The following JAKMIP1 variants were observed in gnomAD, a reference collection of about 807,000 sequenced individuals.
JAKMIP1 encodes the protein janus kinase and microtubule-interacting protein 1.
JAKMIP1 carries 33 observed loss-of-function variants against 113.0 expected under a neutral mutation model. The observed-to-expected ratio is 0.29, with a 90% CI of 0.22 to 0.39. The LOEUF is 0.39. Among genes scored for constraint, JAKMIP1 ranks in the 10% least tolerant of loss-of-function variants. JAKMIP1 has a pLI of 1.00. For missense variants in JAKMIP1, 813 were observed against 1,080.5 expected (o/e 0.75, Z 3.47); for synonymous variants, 480 against 459.9 (o/e 1.04, Z -0.56).
In JAKMIP1 at chr4:6,139,262, G is replaced by A. The variant is rs1209229070; in HGVS notation, c.-147-26265C>T. ...AGTTAAAAAGCATTTGAGAACCATA[G>A]CATCAGAAGAGCATTTCAAGGACAT... On this transcript the variant is annotated intron_variant, in intron 1 of 20. Transcript: ENST00000409021. The surrounding 1 kb of genome is among the most constrained non-coding windows in gnomAD (Gnocchi z 5.2). Among the ~76,000 whole-genome samples the A allele has an allele frequency of 6.6e-6, 1 of 152,172 alleles. No homozygotes were observed. The highest frequency in any genetic ancestry group is 1.9e-4 in the East Asian group (1 of 5,192).
intron 9 of JAKMIP1, among the ~76,000 whole-genome samples, chr4:6,062,758 G>C (rs1263656368): frequency 2.0e-5 from 3 of 152,194 alleles, no homozygotes; most frequent in Non-Finnish European, 4.4e-5. Context: ...GAGAGAAAGG[G>C]CTGGTACCAT....
intron 2 of JAKMIP1, among the ~76,000 whole-genome samples, chr4:6,111,146 C>G (rs1303132829): frequency 6.6e-6 from 1 of 152,196 alleles, no homozygotes; most frequent in East Asian, 1.9e-4. Flanking sequence ...CAGGCCCCAG[C>G]CCCGTCCCCA....
chr4:6,067,560 C>T lies in JAKMIP1; in HGVS notation c.1303-2552G>A, dbSNP rs537429185. 4.8e-4 allele frequency among the ~76,000 whole-genome samples: 72 copies of T among 150,136 alleles called. No homozygotes were observed. The highest frequency in any genetic ancestry group is 9.3e-4 in the Admixed American group (14 of 15,026). On this transcript the variant is annotated intron_variant, in intron 8 of 20. Coordinates refer to ENST00000409021, the MANE Select transcript of JAKMIP1 (RefSeq NM_001099433.2). This position sits in a 1 kb window ranked among gnomAD's most constrained non-coding sequence, Gnocchi z 4.6. ...CATCCCATGGTGACAATGGCACCCA[C>T]GGGAGTGATGCATCTGCAGCACTCA...
At chr4:6,144,822 A>G (rs1028589160) in intron 1 of JAKMIP1, among the ~76,000 whole-genome samples, 1 of 152,232 alleles carries the variant, frequency 6.6e-6, no homozygotes, top group African/African-American at 2.4e-5. Context: ...CTGGAACAAG[A>G]CAAAGATGTC....
chr4:6,102,079 A>T (rs1467286724), intron 3 of JAKMIP1, among the ~76,000 whole-genome samples: 1 of 152,164 alleles, frequency 6.6e-6, no homozygotes, highest in Non-Finnish European at 1.5e-5. Flanking sequence ...TATAGTTTTC[A>T]GGGGAGACAT....
chr4:6,198,400 C>T (rs1728074025), intron 1 of JAKMIP1, among the ~76,000 whole-genome samples: 1 of 151,738 alleles, frequency 6.6e-6, no homozygotes, highest in Admixed American at 6.6e-5. Flanking sequence ...GTGGCTGAGA[C>T]ATTGTGGCAG....
In JAKMIP1 at chr4:6,183,104, A is replaced by G. The variant is rs930639338; in HGVS notation, c.-148+17149T>C. 6.6e-6 allele frequency among the ~76,000 whole-genome samples: 1 copy of G among 152,222 alleles called. No homozygotes were observed. Among genetic ancestry groups the G allele is most frequent in the African/African-American group, 2.4e-5 (1 of 41,452 alleles). ...GTTGAGACAGAACAAAGAGCTAAACATGATACAGGCAGATAACAATACCAC... is the reference window on the plus strand; with the variant it reads ...GTTGAGACAGAACAAAGAGCTAAACGTGATACAGGCAGATAACAATACCAC... On this transcript the variant is annotated intron_variant, in intron 1 of 20. Transcript: ENST00000409021. This position sits in a 1 kb window ranked among gnomAD's most constrained non-coding sequence, Gnocchi z 5.3.
intron 1 of JAKMIP1, among the ~76,000 whole-genome samples, chr4:6,114,719 A>T (rs982397489): frequency 2.6e-5 from 4 of 152,256 alleles, no homozygotes; most frequent in Non-Finnish European, 5.9e-5. Flanking sequence ...CTGTCTTCAG[A>T]CAAGTATGAA....
At position 6,194,142 on chromosome 4, in the gene JAKMIP1, G is replaced by A. The variant is rs1287632017; in HGVS notation, c.-148+6111C>T. On this transcript the variant is annotated intron_variant, in intron 1 of 20. Transcript: ENST00000409021. This position sits in a 1 kb window ranked among gnomAD's most constrained non-coding sequence, Gnocchi z 7.4. ...TGGATGGATGCCGGGGCTGGGAGAG[G>A]GGAAGTGAGGAATGACTGCCCATGG... 6.6e-6 allele frequency among the ~76,000 whole-genome samples: 1 copy of A among 152,012 alleles called. No homozygotes were observed. Among genetic ancestry groups the A allele is most frequent in the African/African-American group, 2.4e-5 (1 of 41,396 alleles).
intron 3 of JAKMIP1, among the ~76,000 whole-genome samples, chr4:6,100,701 C>T (rs537457276): frequency 2.6e-5 from 4 of 152,130 alleles, no homozygotes; most frequent in East Asian, 3.9e-4. Flanking sequence ...ATCAGAATGA[C>T]GGTACCCATT....
rs556570529 is a variant in JAKMIP1, at chr4:6,118,715, C to T, written c.-147-5718G>A. Among the ~76,000 whole-genome samples, 19 of 152,050 alleles carry T rather than the reference C, an allele frequency of 1.2e-4. No homozygotes were observed. In the South Asian group the frequency reaches 3.3e-3, roughly 27 times the overall value. On this transcript the variant is annotated intron_variant, in intron 1 of 20. Coordinates refer to ENST00000409021, the MANE Select transcript of JAKMIP1 (RefSeq NM_001099433.2). ...TAGAGGCAAGCAGAAGGACTGGGACCCTGGACTGAGGCCACAGGAGGCAAG... is the reference window on the plus strand; with the variant it reads ...TAGAGGCAAGCAGAAGGACTGGGACTCTGGACTGAGGCCACAGGAGGCAAG...
rs550771923 is a variant in JAKMIP1, at chr4:6,041,954, C to T, written c.2097+205G>A. ...TAGCACCTGGGACACAGCAGAGGCT[C>T]TGAAAATATGTATTCGATGAGTAAT... On this transcript the variant is annotated intron_variant, in intron 17 of 20. Transcript: ENST00000409021. 2.0e-5 allele frequency among the ~76,000 whole-genome samples: 3 copies of T among 152,284 alleles called. No homozygotes were observed. In the East Asian group the frequency reaches 5.8e-4, roughly 29 times the overall value.
At chr4:6,052,393 T>C (rs1280408895) in intron 13 of JAKMIP1, among the ~76,000 whole-genome samples, 3 of 152,070 alleles carry the variant, frequency 2.0e-5, no homozygotes, top group African/African-American at 7.2e-5. Context: ...ATACCTGTAA[T>C]CCCAGCACTT....
intron 1 of JAKMIP1, among the ~76,000 whole-genome samples, chr4:6,133,613 G>A (rs1718828233): frequency 6.6e-6 from 1 of 152,198 alleles, no homozygotes; most frequent in South Asian, 2.1e-4. Context: ...GGGGCGCATG[G>A]AGGGAGAATC....
rs1461938106 is a variant in JAKMIP1 at position 6,188,762 on chromosome 4, G to C, written c.-148+11491C>G. Among the ~76,000 whole-genome samples the C allele has an allele frequency of 6.6e-6, 1 of 152,114 alleles. No homozygotes were observed. The highest frequency in any genetic ancestry group is 2.4e-5 in the African/African-American group (1 of 41,406). On this transcript the variant is annotated intron_variant, in intron 1 of 20. Coordinates refer to ENST00000409021, the MANE Select transcript of JAKMIP1 (RefSeq NM_001099433.2). The surrounding 1 kb of genome is among the most constrained non-coding windows in gnomAD (Gnocchi z 5.8). ...CTTCAGTCTGAAGTGTCTTGCATTTGTCCCTATAGAAAAATCCGGGGCTCT... is the reference window on the plus strand; with the variant it reads ...CTTCAGTCTGAAGTGTCTTGCATTTCTCCCTATAGAAAAATCCGGGGCTCT...
intron 11 of JAKMIP1, among the ~76,000 whole-genome samples, chr4:6,060,129 A>G (rs1460057462): frequency 1.3e-5 from 2 of 152,230 alleles, no homozygotes; most frequent in African/African-American, 2.4e-5. Context: ...AGTCAAAAAC[A>G]GCTTTGATCA....
chr4:6,174,098 T>A (rs1162866159), intron 1 of JAKMIP1, among the ~76,000 whole-genome samples: 1 of 152,096 alleles, frequency 6.6e-6, no homozygotes, highest in Non-Finnish European at 1.5e-5. Context: ...AATCACAACA[T>A]AATGATCAAA....
At chr4:6,166,611 C>T (rs1393225948) in intron 1 of JAKMIP1, among the ~76,000 whole-genome samples, 1 of 152,232 alleles carries the variant, frequency 6.6e-6, no homozygotes, top group Admixed American at 6.5e-5. Context: ...ATGAGAACAA[C>T]AGGTGTGTCA....
chr4:6,081,004 C>CACACACACACACAT lies in JAKMIP1; in HGVS notation c.1101+604_1101+605insATGTGTGTGTGTGT, dbSNP rs1720446796. Among the ~76,000 whole-genome samples the CACACACACACACAT allele has an allele frequency of 1.3e-5, 2 of 151,960 alleles. No individual in the cohort carries two copies. The highest frequency in any genetic ancestry group is 4.8e-5 in the African/African-American group (2 of 41,352). On this transcript the variant is annotated intron_variant, in intron 6 of 20. Coordinates refer to ENST00000409021, the MANE Select transcript of JAKMIP1 (RefSeq NM_001099433.2). This position sits in a 1 kb window ranked among gnomAD's most constrained non-coding sequence, Gnocchi z 4.6. ...GCAATTACACACACACACACACACA[C>CACACACACACACAT]ACACACACACCTGCATCTGCTACAG... is the stretch of plus-strand genomic sequence containing the variant.
Sources: gnomAD v4.1 joint callset for allele counts (sites outside exome capture counted in the v4.1 genomes callset) on GRCh38, gnomAD v4.1.1 for gene constraint, Gnocchi (gnomAD v3.1) non-coding constraint, MANE v1.5 for transcripts, NCBI Gene and HGNC (gene_info 2026-07-23, HGNC 2026-07-21) for gene names.